AKAP6: variants seen among roughly 807,000 people sequenced by gnomAD.
AKAP6 encodes the protein A-kinase anchoring protein 6, also known as A-kinase anchor protein 6.
AKAP6 carries 58 observed loss-of-function variants against 188.5 expected under a neutral mutation model. That is an observed-to-expected ratio of 0.31 (90% CI 0.25 to 0.38). AKAP6 has a LOEUF of 0.38. Among genes scored for constraint, AKAP6 ranks in the 10% least tolerant of loss-of-function variants. The pLI, the probability that AKAP6 is intolerant of heterozygous loss-of-function variation, is 1.00. For missense variants in AKAP6, 2,710 were observed against 2,740.0 expected (o/e 0.99, Z 0.24); for synonymous variants, 989 against 998.6 (o/e 0.99, Z 0.18).
rs1420954630 is a variant in AKAP6, at chr14:32,831,139, T to C, written c.*1334T>C. 2.0e-5 allele frequency: 3 copies of C among 152,208 alleles called. No individual in the cohort carries two copies. The allele number at this position is 152,208 out of a possible 1,614,324, so 9.4% of individuals were successfully genotyped here. On this transcript the variant is annotated 3_prime_UTR_variant, in exon 14 of 14. Transcript: ENST00000280979. ...ATTTATTTTAAATATTTATTTTGAATGAGTTTGATAGAAAGCTAGTAGAAA... is the reference window on the plus strand; with the variant it reads ...ATTTATTTTAAATATTTATTTTGAACGAGTTTGATAGAAAGCTAGTAGAAA...
At chr14:32,751,081 G>C (rs1220157804) in intron 11 of AKAP6, among the ~76,000 whole-genome samples, 1 of 151,940 alleles carries the variant, frequency 6.6e-6, no homozygotes, top group East Asian at 1.9e-4. Flanking sequence ...TAGTGGGACT[G>C]GGTTGCTAAA....
At chr14:32,764,271 G>C (rs1051962373) in intron 11 of AKAP6, among the ~76,000 whole-genome samples, 1 of 152,100 alleles carries the variant, frequency 6.6e-6, no homozygotes, top group African/African-American at 2.4e-5. Flanking sequence ...ATAAATATTT[G>C]TTCAATGAAT....
At chr14:32,494,113 C>G (rs1880183847) in intron 2 of AKAP6, among the ~76,000 whole-genome samples, 1 of 152,148 alleles carries the variant, frequency 6.6e-6, no homozygotes, top group Non-Finnish European at 1.5e-5. Flanking sequence ...ATTAATTTAC[C>G]CTTTTATTTC....
At chr14:32,670,039 A>G (rs1303778099) in intron 7 of AKAP6, among the ~76,000 whole-genome samples, 4 of 151,314 alleles carry the variant, frequency 2.6e-5, no homozygotes, top group East Asian at 3.9e-4. Flanking sequence ...TGAGGTTGCA[A>G]TGAGCCAAGA....
chr14:32,679,431 A>G (rs1889578008), intron 8 of AKAP6, among the ~76,000 whole-genome samples: 1 of 152,220 alleles, frequency 6.6e-6, no homozygotes, highest in South Asian at 2.1e-4. Context: ...TTACATGTTA[A>G]TAACATTATA....
At chr14:32,707,436 T>G (rs1890854996) in intron 9 of AKAP6, among the ~76,000 whole-genome samples, 1 of 152,074 alleles carries the variant, frequency 6.6e-6, no homozygotes, top group Non-Finnish European at 1.5e-5. Context: ...AAGTTCTTCT[T>G]GGGGATTATT....
intron 7 of AKAP6, among the ~76,000 whole-genome samples, chr14:32,618,820 A>G (rs759877762): frequency 2.0e-5 from 3 of 152,200 alleles, no homozygotes; most frequent in Admixed American, 2.0e-4. Context: ...CCAGCAGTGT[A>G]TAAGTGTTCC....
rs1256412712 is a variant in AKAP6 at position 32,510,416 on chromosome 14, A to G, written c.325-25138A>G. 1.0e-3 allele frequency among the ~76,000 whole-genome samples: 50 copies of G among 49,310 alleles called. 2 individuals are homozygous for G. Among genetic ancestry groups the G allele is most frequent in the Non-Finnish European group, 1.4e-3 (34 of 23,892 alleles). The allele number at this position is 49,310 out of a possible 152,430, so 32.3% of individuals were successfully genotyped here. A position where few individuals can be genotyped will look rare whatever the true frequency, so the allele number is the denominator to read the frequency against. On this transcript the variant is annotated intron_variant, in intron 2 of 13. Transcript: ENST00000280979. ...TGTGTATATATATGTATATATATGTATATATATACATATATATATGTGTAT... is the reference window on the plus strand; with the variant it reads ...TGTGTATATATATGTATATATATGTGTATATATACATATATATATGTGTAT...
At chr14:32,607,113 C>T (rs189469408) in intron 7 of AKAP6, among the ~76,000 whole-genome samples, 12 of 152,284 alleles carry the variant, frequency 7.9e-5, no homozygotes, top group African/African-American at 1.7e-4. Context: ...ATCTGGGGAG[C>T]TTCTTGGCAA....
intron 2 of AKAP6, among the ~76,000 whole-genome samples, chr14:32,451,142 A>G (rs1890922213): frequency 6.6e-6 from 1 of 152,198 alleles, no homozygotes; most frequent in Non-Finnish European, 1.5e-5. Flanking sequence ...GCCTTTAGCT[A>G]GTTTGCATGA....
chr14:32,420,030 G>A (rs898036840), intron 1 of AKAP6, among the ~76,000 whole-genome samples: 2 of 152,088 alleles, frequency 1.3e-5, no homozygotes, highest in African/African-American at 2.4e-5. Flanking sequence ...ACCCTGTCCT[G>A]TAATAAAGAA....
chr14:32,671,975 T>C (rs1889217585), intron 7 of AKAP6, among the ~76,000 whole-genome samples: 1 of 152,180 alleles, frequency 6.6e-6, no homozygotes, highest in Non-Finnish European at 1.5e-5. Flanking sequence ...ATGTGTTTAA[T>C]CCTTCGAGTT....
intron 1 of AKAP6, among the ~76,000 whole-genome samples, chr14:32,370,786 T>TA (rs1887980443): frequency 6.6e-6 from 1 of 152,164 alleles, no homozygotes; most frequent in Non-Finnish European, 1.5e-5. Context: ...GGGTTAGAAT[T>TA]TTTTAGTTTT....
intron 7 of AKAP6, among the ~76,000 whole-genome samples, chr14:32,637,759 T>C (rs1284655072): frequency 2.0e-5 from 3 of 151,998 alleles, no homozygotes; most frequent in Non-Finnish European, 2.9e-5. Flanking sequence ...AGTTTGTAGT[T>C]ACAGTGTGGG....
intron 11 of AKAP6, among the ~76,000 whole-genome samples, chr14:32,759,619 C>T (rs1055049497): frequency 3.3e-5 from 5 of 152,146 alleles, no homozygotes; most frequent in Non-Finnish European, 7.3e-5. Flanking sequence ...CTGCAGGCTT[C>T]ACAGGAAGCA....
intron 1 of AKAP6, among the ~76,000 whole-genome samples, chr14:32,347,770 C>G (rs549455116): frequency 1.3e-5 from 2 of 152,312 alleles, no homozygotes; most frequent in East Asian, 3.9e-4. Flanking sequence ...CCCTTGGCCA[C>G]TTTTTAAAAA....
chr14:32,398,807 C>T (rs910184763), intron 1 of AKAP6, among the ~76,000 whole-genome samples: 16 of 130,120 alleles, frequency 1.2e-4, no homozygotes, highest in South Asian at 5.4e-4. Context: ...TCTCTCTCCC[C>T]CTCCCCCTCT....
intron 2 of AKAP6, among the ~76,000 whole-genome samples, chr14:32,513,539 C>G (rs958333000): frequency 6.6e-6 from 1 of 152,218 alleles, no homozygotes; most frequent in South Asian, 2.1e-4. Context: ...GATCCTGCTG[C>G]TTTGGTATAA....
At chr14:32,521,691 C>T (rs568005418) in intron 2 of AKAP6, among the ~76,000 whole-genome samples, 3 of 152,108 alleles carry the variant, frequency 2.0e-5, no homozygotes, top group African/African-American at 4.8e-5. Flanking sequence ...TAAAAGAAGA[C>T]ACAAACAAAT....
Sources: gnomAD v4.1 joint callset for allele counts (sites outside exome capture counted in the v4.1 genomes callset) on GRCh38, gnomAD v4.1.1 for gene constraint, MANE v1.5 for transcripts, NCBI Gene and HGNC (gene_info 2026-07-23, HGNC 2026-07-21) for gene names.